The following CNTNAP2 variants were observed in gnomAD, a reference collection of about 807,000 sequenced individuals.
The protein encoded by CNTNAP2 is contactin associated protein 2.
A neutral mutation model predicts 155.2 loss-of-function variants in CNTNAP2; 98 were observed. The ratio of observed to expected loss-of-function variants is 0.63; its 90% CI spans 0.54 to 0.75. The LOEUF (loss-of-function observed/expected upper bound fraction) is 0.75, where lower values mean the gene tolerates loss of function less well. Among genes scored for constraint, CNTNAP2 ranks in the 30% least tolerant of loss-of-function variants. The pLI is 0.00. For missense variants in CNTNAP2, 1,727 were observed against 1,688.1 expected, an observed-to-expected ratio of 1.02 and a Z score of -0.40; for synonymous variants, 651 against 631.2, an observed-to-expected ratio of 1.03 and a Z score of -0.47.
intron 2 of CNTNAP2, among the ~76,000 whole-genome samples, chr7:146,781,565 C>T (rs941774773): frequency 6.6e-6 from 1 of 152,148 alleles, no homozygotes; most frequent in African/African-American, 2.4e-5. Flanking sequence ...CCCTAGCTCA[C>T]ACTTACATAC....
chr7:147,030,310 T>C (rs553517617), intron 3 of CNTNAP2, among the ~76,000 whole-genome samples: 1 of 152,196 alleles, frequency 6.6e-6, no homozygotes. Flanking sequence ...ATGTGAGGAT[T>C]TGGGAAGTTT....
chr7:146,475,430 T>C (rs1356512791), intron 1 of CNTNAP2, among the ~76,000 whole-genome samples: 4 of 152,122 alleles, frequency 2.6e-5, no homozygotes, highest in East Asian at 1.9e-4. Context: ...TTTCAATGAA[T>C]GAAGTGGTTT....
At chr7:146,696,991 A>C (rs1283104375) in intron 1 of CNTNAP2, among the ~76,000 whole-genome samples, 1 of 152,182 alleles carries the variant, frequency 6.6e-6, no homozygotes, top group East Asian at 1.9e-4. Flanking sequence ...TTGTGTTGTC[A>C]GATGGTGTAA....
rs890560016 is a variant in CNTNAP2 at position 146,883,839 on chromosome 7, G to GT, written c.402+43942dup. 7.2e-5 allele frequency among the ~76,000 whole-genome samples: 11 copies of GT among 152,004 alleles called. No individual in the cohort carries two copies. In the East Asian group the frequency reaches 1.4e-3, roughly 19 times the overall value. On this transcript the variant is annotated intron_variant, in intron 3 of 23. Coordinates refer to ENST00000361727, the MANE Select transcript of CNTNAP2 (RefSeq NM_014141.6). ...AGATTATTTAGAATAATTTCAAGCTGTTTTTTTAACATCAAAGAGAATGTT... is the reference window on the plus strand; with the variant it reads ...AGATTATTTAGAATAATTTCAAGCTGTTTTTTTTAACATCAAAGAGAATGTT...
intron 8 of CNTNAP2, among the ~76,000 whole-genome samples, chr7:147,208,032 G>C (rs372504877): frequency 6.6e-6 from 1 of 151,912 alleles, no homozygotes; most frequent in Non-Finnish European, 1.5e-5. Context: ...GGATGAACAC[G>C]CCTTGACAAA....
At chr7:147,417,150 G>C (rs1304402770) in intron 10 of CNTNAP2, among the ~76,000 whole-genome samples, 1 of 150,786 alleles carries the variant, frequency 6.6e-6, no homozygotes, top group Non-Finnish European at 1.5e-5. Context: ...TTTGCCTTTT[G>C]ACTGTATCAT....
At chr7:147,447,795 ATATATATAG>A (rs1158838464) in intron 10 of CNTNAP2, among the ~76,000 whole-genome samples, 30 of 151,748 alleles carry the variant, frequency 2.0e-4, no homozygotes, top group African/African-American at 6.3e-4. Flanking sequence ...ATGTAAATAA[ATATATATAG>A]TATATATAGT....
intron 13 of CNTNAP2, among the ~76,000 whole-genome samples, chr7:147,676,539 G>A (rs1044792206): frequency 2.0e-5 from 3 of 151,674 alleles, no homozygotes; most frequent in South Asian, 2.1e-4. Flanking sequence ...CATTCTCTTA[G>A]CATTGTTTAA....
chr7:146,783,012 AT>A (rs1802516676), intron 2 of CNTNAP2, among the ~76,000 whole-genome samples: 1 of 152,310 alleles, frequency 6.6e-6, no homozygotes, highest in South Asian at 2.1e-4. Flanking sequence ...AATTAGTAAA[AT>A]AACATTTTTA....
At chr7:148,209,670 T>C (rs1198583520) in intron 18 of CNTNAP2, among the ~76,000 whole-genome samples, 1 of 152,210 alleles carries the variant, frequency 6.6e-6, no homozygotes, top group African/African-American at 2.4e-5. Context: ...CTACCTATAT[T>C]CCCTCTTTTC....
intron 1 of CNTNAP2, among the ~76,000 whole-genome samples, chr7:146,531,699 C>G (rs1195162323): frequency 6.6e-6 from 1 of 152,076 alleles, no homozygotes; most frequent in East Asian, 1.9e-4. Flanking sequence ...CACACACCCC[C>G]ACGCCCAGCT....
At chr7:147,495,798 T>A (rs1225418389) in intron 11 of CNTNAP2, among the ~76,000 whole-genome samples, 10 of 152,080 alleles carry the variant, frequency 6.6e-5, no homozygotes, top group Admixed American at 6.5e-4. Flanking sequence ...GAGTCCCCAA[T>A]CCCCACAATA....
intron 4 of CNTNAP2, among the ~76,000 whole-genome samples, chr7:147,078,537 A>G (rs1800039244): frequency 6.6e-6 from 1 of 152,058 alleles, no homozygotes; most frequent in Non-Finnish European, 1.5e-5. Context: ...TTAAAGCTCT[A>G]TCACCTTGGT....
At chr7:147,196,595 T>C (rs1802804733) in intron 8 of CNTNAP2, among the ~76,000 whole-genome samples, 1 of 152,154 alleles carries the variant, frequency 6.6e-6, no homozygotes, top group South Asian at 2.1e-4. Context: ...AGTGCAAACA[T>C]GCATCCCTGC....
chr7:147,959,639 T>TA (rs1211046570), intron 14 of CNTNAP2, among the ~76,000 whole-genome samples: 6 of 152,260 alleles, frequency 3.9e-5, no homozygotes, highest in African/African-American at 1.4e-4. Flanking sequence ...AGGAGCAGCT[T>TA]ATGCAGACAT....
In CNTNAP2 at chr7:146,851,963, G is replaced by A. The variant is rs898230380; in HGVS notation, c.402+12059G>A. Among the ~76,000 whole-genome samples the A allele has an allele frequency of 5.9e-5, 9 of 152,140 alleles. No homozygotes were observed. The East Asian group carries it at 1.5e-3, about 26-fold the overall frequency. ...GGCCTCCCAAAGTGTTAGGATTGTAGGCATGAGTCACTGTGGCTGGCCTTG... is the reference window on the plus strand; with the variant it reads ...GGCCTCCCAAAGTGTTAGGATTGTAAGCATGAGTCACTGTGGCTGGCCTTG... On this transcript the variant is annotated intron_variant, in intron 3 of 23. Transcript: ENST00000361727.
At chr7:148,092,186 G>A (rs886495876) in intron 15 of CNTNAP2, among the ~76,000 whole-genome samples, 6 of 152,190 alleles carry the variant, frequency 3.9e-5, no homozygotes, top group African/African-American at 1.2e-4. Context: ...GGGGGAGCAG[G>A]TTTCCTAATT....
intron 1 of CNTNAP2, among the ~76,000 whole-genome samples, chr7:146,163,475 A>C (rs1233335590): frequency 6.8e-6 from 1 of 146,036 alleles, no homozygotes; most frequent in Non-Finnish European, 1.5e-5. Flanking sequence ...ATATATATCT[A>C]TATATATCTA....
chr7:146,219,282 C>T (rs961536439), intron 1 of CNTNAP2, among the ~76,000 whole-genome samples: 3 of 152,156 alleles, frequency 2.0e-5, no homozygotes, highest in Non-Finnish European at 4.4e-5. Context: ...CAAACCATAT[C>T]AGTAAGCTAA....
Sources: gnomAD v4.1 joint callset for allele counts (sites outside exome capture counted in the v4.1 genomes callset) on GRCh38, gnomAD v4.1.1 for gene constraint, MANE v1.5 for transcripts, NCBI Gene and HGNC (gene_info 2026-07-23, HGNC 2026-07-21) for gene names.